The following MPHOSPH9 variants were observed in gnomAD, a reference collection of about 807,000 sequenced individuals.
MPHOSPH9 encodes the protein M-phase phosphoprotein 9.
A neutral mutation model predicts 145.5 loss-of-function variants in MPHOSPH9; 88 were observed. That is an observed-to-expected ratio of 0.60 (90% CI 0.51 to 0.72). The LOEUF is 0.72. Ranked by LOEUF, MPHOSPH9 falls within the 30% of genes least tolerant of loss-of-function variation. The pLI is 0.00. For synonymous variants in MPHOSPH9, 435 were observed against 486.2 expected, an observed-to-expected ratio of 0.89 and a Z score of 1.39; for missense variants, 1,238 against 1,386.6, an observed-to-expected ratio of 0.89 and a Z score of 1.70.
intron 17 of MPHOSPH9, chr12:123,165,693 A>T: frequency 2.1e-6 from 1 of 474,184 alleles, no homozygotes; most frequent in East Asian, 3.2e-5. Context: ...AAGAGGCAGG[A>T]GCGCTCTCTC....
chr12:123,225,472 AAG>A (rs1259087920), intron 3 of MPHOSPH9, among the ~76,000 whole-genome samples: 1 of 142,600 alleles, frequency 7.0e-6, no homozygotes, highest in South Asian at 2.3e-4. Flanking sequence ...AAAGAAAGAA[AAG>A]AGAGAGAATG....
At chr12:123,176,226 G>C (rs7300402) in intron 16 of MPHOSPH9, among the ~76,000 whole-genome samples, 115 of 152,126 alleles carry the variant, frequency 7.6e-4, no homozygotes, top group African/African-American at 2.8e-3. Flanking sequence ...ACAATGTTGA[G>C]ATTATAGCCA....
chr12:123,212,763 C>T (rs1408743380), intron 7 of MPHOSPH9, among the ~76,000 whole-genome samples: 3 of 99,902 alleles, frequency 3.0e-5, no homozygotes, highest in Non-Finnish European at 6.1e-5. Context: ...CTACAATGGT[C>T]GACTTTTTTT....
intron 13 of MPHOSPH9, among the ~76,000 whole-genome samples, chr12:123,182,807 G>T (rs2851436): frequency 0.65 from 97,772 of 151,332 alleles, 36,084 homozygotes; most frequent in East Asian, 1. Context: ...CTGCCTACTT[G>T]GGTGGCTGAG....
intron 22 of MPHOSPH9, 64 bp downstream of exon 22, chr12:123,161,072 C>T (rs1203375746): frequency 2.6e-6 from 4 of 1,563,850 alleles, no homozygotes; most frequent in Middle Eastern, 3.5e-4. Flanking sequence ...CAATAATTCC[C>T]TTCTCCTTAG....
chr12:123,239,174 T>C (rs1274614633), intron 1 of MPHOSPH9, among the ~76,000 whole-genome samples: 1 of 151,992 alleles, frequency 6.6e-6, no homozygotes, highest in Non-Finnish European at 1.5e-5. Context: ...GAGGCTGCGG[T>C]GAGAGGATGG....
intron 15 of MPHOSPH9, 43 bp from the exon 16 acceptor site, chr12:123,176,832 A>G (rs778840944): frequency 7.0e-7 from 1 of 1,436,848 alleles, no homozygotes; most frequent in East Asian, 2.3e-5. Context: ...CATTTCAACA[A>G]ATGTAAAATA....
rs2044284266 is a variant in MPHOSPH9 at position 123,165,575 on chromosome 12, T to A, written c.2592-98A>T. ...AACATACATGTTGAAGCCCTAATCT[T>A]CAATGTGATGGTGTGTGGAGGTGGG... On this transcript the variant is annotated intron_variant, in intron 17 of 23. Coordinates refer to ENST00000606320, the MANE Select transcript of MPHOSPH9 (RefSeq NM_022782.4). 12 of 1,113,922 alleles carry A rather than the reference T, an allele frequency of 1.1e-5. No individual in the cohort carries two copies. The South Asian group carries it at 1.6e-4, about 15-fold the overall frequency. The allele number at this position is 1,113,922 out of a possible 1,614,324, so 69.0% of individuals were successfully genotyped here. A position where few individuals can be genotyped will look rare whatever the true frequency, so the allele number is the denominator to read the frequency against.
chr12:123,180,728 C>T (rs1371275862), intron 14 of MPHOSPH9, among the ~76,000 whole-genome samples: 2 of 152,064 alleles, frequency 1.3e-5, no homozygotes, highest in Non-Finnish European at 2.9e-5. Flanking sequence ...TAAAAATTAG[C>T]TGGGCATGGT....
rs770954584 is a variant in MPHOSPH9, at chr12:123,162,095, T to A, written c.3133+20A>T. On this transcript the variant is annotated intron_variant, in intron 21 of 23. Transcript: ENST00000606320. ...AATGAATGATTAAAACCATAACTAA[T>A]ATTTTTTAGGAAAAGATACCTTCCG... 2 of 1,427,262 alleles carry A rather than the reference T, an allele frequency of 1.4e-6. No homozygotes were observed. Among genetic ancestry groups the A allele is most frequent in the Non-Finnish European group, 1.9e-6 (2 of 1,040,420 alleles). 88.4% of individuals were successfully genotyped at this position (1,427,262 alleles called of 1,614,324 possible).
At chr12:123,195,341 C>G (rs750343687) in intron 12 of MPHOSPH9, among the ~76,000 whole-genome samples, 1 of 152,042 alleles carries the variant, frequency 6.6e-6, no homozygotes, top group African/African-American at 2.4e-5. Context: ...AATCCCAGCA[C>G]TTTGGGAGGC....
chr12:123,194,564 G>T lies in MPHOSPH9; in HGVS notation c.2063C>A (p.Ala688Asp). ...LRERFSAASS[A>D]SKILQERIEE... Reference sequence around the variant, plus strand: ...AATTCGTTCCTGCAAAATTTTGGAAGCACTGCTGGCTGCACTGAAGCGTTC... The same window carrying T: ...AATTCGTTCCTGCAAAATTTTGGAATCACTGCTGGCTGCACTGAAGCGTTC... Residue 688 changes from alanine (A) to aspartate (D), a missense_variant, in exon 13 of 24, where the codon GCT becomes GAT. Physicochemically the swap from Ala to Asp is moderately radical, Grantham distance 126. Around this residue, in one of 3 missense-constraint regions of MPHOSPH9, gnomAD observed 837 missense variants for 897.5 expected, o/e 0.93. Transcript: ENST00000606320. The T allele has an allele frequency of 6.2e-7, 1 of 1,611,762 alleles. No homozygotes were observed.
chr12:123,178,993 C>G (rs1445976015), intron 15 of MPHOSPH9, among the ~76,000 whole-genome samples: 1 of 152,168 alleles, frequency 6.6e-6, no homozygotes, highest in Non-Finnish European at 1.5e-5. Flanking sequence ...CAAAATAATT[C>G]TGTGAACTAG....
chr12:123,210,647 G>A (rs1425478179), intron 7 of MPHOSPH9, among the ~76,000 whole-genome samples: 1 of 151,940 alleles, frequency 6.6e-6, no homozygotes, highest in East Asian at 1.9e-4. Context: ...AGCTGAGATG[G>A]TGCCACTGCA....
At chr12:123,216,922 G>A (rs2046987893) in intron 6 of MPHOSPH9, among the ~76,000 whole-genome samples, 1 of 151,524 alleles carries the variant, frequency 6.6e-6, no homozygotes, top group Non-Finnish European at 1.5e-5. Flanking sequence ...CCAGGAGACA[G>A]AGATTGCAGT....
intron 13 of MPHOSPH9, among the ~76,000 whole-genome samples, chr12:123,190,999 C>CT (rs539940845): frequency 1.1e-3 from 163 of 152,258 alleles, no homozygotes; most frequent in African/African-American, 3.7e-3. Context: ...TCAAACATAA[C>CT]TGTGGTGGGT....
chr12:123,194,490 G>C lies in MPHOSPH9; in HGVS notation c.2137C>G (p.Leu713Val). The C allele has an allele frequency of 6.2e-7, 1 of 1,611,778 alleles. No individual in the cohort carries two copies. The highest frequency in any genetic ancestry group is 8.5e-7 in the Non-Finnish European group (1 of 1,179,132). The change falls in exon 13 of 24, where the codon CTA (leucine) becomes GTA (valine). Residue 713 changes from leucine (L) to valine (V), a missense_variant. This residue lies in a region of MPHOSPH9 where 837 missense variants were observed against 897.5 expected (regional missense o/e 0.93). Transcript: ENST00000606320. ...TCTAAATCTTGCAGTCTAGATTTTA[G>C]TCGAATGATGGTATTGTCTTTTTCT... ...SKEKDNTIIR[L>V]KSRLQDLEEA...
At chr12:123,202,035 T>C (rs978394030) in intron 11 of MPHOSPH9, 129 bp downstream of exon 11, 3 of 1,039,090 alleles carry the variant, frequency 2.9e-6, no homozygotes, top group Non-Finnish European at 4.1e-6. Context: ...GCTTCAAAAA[T>C]ACTTAGGCAA....
chr12:123,234,253 GACTT>G (rs1385576691), upstream of MPHOSPH9, among the ~76,000 whole-genome samples: 1 of 152,178 alleles, frequency 6.6e-6, no homozygotes, highest in Non-Finnish European at 1.5e-5. Flanking sequence ...ACAGTAAAGG[GACTT>G]CCCTGGCACT....
Sources: allele counts gnomAD v4.1 joint callset (sites outside exome capture counted in the v4.1 genomes callset), GRCh38; gene constraint gnomAD v4.1.1; regional missense constraint gnomAD v4.1.1; transcripts MANE v1.5; gene names NCBI Gene and HGNC (gene_info 2026-07-23, HGNC 2026-07-21).